FANCA: variants seen among roughly 807,000 people sequenced by gnomAD.
The protein encoded by FANCA is Fanconi anemia group A protein.
A neutral mutation model predicts 194.3 loss-of-function variants in FANCA; 236 were observed. The observed-to-expected ratio is 1.21, with a 90% CI of 1.09 to 1.35. The LOEUF (loss-of-function observed/expected upper bound fraction) is 1.35, where lower values mean the gene tolerates loss of function less well. Ranked by LOEUF, FANCA falls within the 40% of genes most tolerant of loss-of-function variation. The pLI, the probability that FANCA is intolerant of heterozygous loss-of-function variation, is 0.00. For missense variants in FANCA, 2,628 were observed against 1,813.9 expected (o/e 1.45, Z -8.15); for synonymous variants, 1,014 against 715.8 (o/e 1.42, Z -6.65).
chr16:89,744,044 C>G (rs1320154255), intron 36 of FANCA, among the ~76,000 whole-genome samples: 2 of 152,016 alleles, frequency 1.3e-5, no homozygotes, highest in East Asian at 3.9e-4. Context: ...ACTACAGGCG[C>G]ACACTATCAC....
chr16:89,788,390 G>A (rs942637207), intron 14 of FANCA, among the ~76,000 whole-genome samples: 1 of 152,130 alleles, frequency 6.6e-6, no homozygotes, highest in African/African-American at 2.4e-5. Context: ...GAACCCAGGA[G>A]GTGGGAGTTG....
intron 29 of FANCA, among the ~76,000 whole-genome samples, chr16:89,759,337 A>T (rs1440928602): frequency 2.7e-5 from 4 of 147,600 alleles, no homozygotes; most frequent in South Asian, 4.3e-4. Context: ...AAAAAAAAAA[A>T]AAAAAAAAAA....
At chr16:89,760,013 G>C (rs1378442467) in intron 29 of FANCA, among the ~76,000 whole-genome samples, 1 of 152,204 alleles carries the variant, frequency 6.6e-6, no homozygotes, top group Non-Finnish European at 1.5e-5. Context: ...CACCCACGCT[G>C]TCCGGAACTG....
At chr16:89,804,404 T>G (rs1302384800) in intron 7 of FANCA, among the ~76,000 whole-genome samples, 14 of 152,156 alleles carry the variant, frequency 9.2e-5, no homozygotes, top group Admixed American at 9.2e-4. Context: ...TCAATGCACC[T>G]TAGAGACAGG....
rs2038969615 is a variant in FANCA, at chr16:89,762,015, T to G, written c.2786A>C (p.Tyr929Ser). 1 of 1,613,412 alleles carries G rather than the reference T, an allele frequency of 6.2e-7. No individual in the cohort carries two copies. Among genetic ancestry groups the G allele is most frequent in the South Asian group, 1.1e-5 (1 of 91,068 alleles). ...VLKEEDVHLT[Y>S]QDWLHLELEI... ...CAGCTCCAGGTGTAACCAGTCTTGG[T>G]AAGTTAACTGAGAAAGAGAGCAAGC... is the stretch of plus-strand genomic sequence containing the variant. The change falls in exon 29 of 43, where the codon TAC (tyrosine) becomes TCC (serine). Residue 929 changes from tyrosine to serine, a missense_variant. Tyr to Ser is a moderately radical substitution (Grantham distance 144). Coordinates refer to ENST00000389301, the MANE Select transcript of FANCA (RefSeq NM_000135.4).
At chr16:89,812,787 C>A (rs1365722283) in intron 3 of FANCA, among the ~76,000 whole-genome samples, 1 of 151,730 alleles carries the variant, frequency 6.6e-6, no homozygotes, top group African/African-American at 2.4e-5. Flanking sequence ...GTAATCCCAA[C>A]ACTGCAGGAG....
At chr16:89,761,336 G>A (rs1249118450) in intron 29 of FANCA, among the ~76,000 whole-genome samples, 1 of 150,950 alleles carries the variant, frequency 6.6e-6, no homozygotes, top group East Asian at 2.0e-4. Flanking sequence ...GGAGAATGGC[G>A]TGAACCCGGG....
Position 89,737,742 on chromosome 16 carries a change from ATCG to A in FANCA, c.*856_*858del. On this transcript the variant is annotated 3_prime_UTR_variant, in exon 43 of 43. Coordinates refer to ENST00000389301, the MANE Select transcript of FANCA (RefSeq NM_000135.4). ...CCAGCTGTGATGGTTTCACATTGTC[ATCG>A]TCGTCCCCCCGGGAGGTTGGAGCAT... The A allele has an allele frequency of 1.2e-6, 2 of 1,606,376 alleles. No homozygotes were observed. Among genetic ancestry groups the A allele is most frequent in the Non-Finnish European group, 1.7e-6 (2 of 1,174,140 alleles).
rs142867944 is a variant in FANCA, at chr16:89,755,212, AT to A, written c.2982-2991del. Among the ~76,000 whole-genome samples the A allele has an allele frequency of 5.5e-3, 796 of 143,550 alleles. 4 individuals are homozygous for A. The highest frequency in any genetic ancestry group is 0.01 in the Admixed American group (146 of 14,282). 94.2% of individuals were successfully genotyped at this position (143,550 alleles called of 152,430 possible). On this transcript the variant is annotated intron_variant, in intron 30 of 42. Coordinates refer to ENST00000389301, the MANE Select transcript of FANCA (RefSeq NM_000135.4). ...TAAAGCTGGATGACCTCACACAACAATTTTTTTTTTTTTTTTGAGACAGTCT... is the reference window on the plus strand; with the variant it reads ...TAAAGCTGGATGACCTCACACAACAATTTTTTTTTTTTTTTGAGACAGTCT...
At position 89,810,955 on chromosome 16, in the gene FANCA, G is replaced by C; in HGVS notation, c.400C>G (p.Pro134Ala). Reference sequence around the variant, plus strand: ...CTCTGCTCCACAGTCAGCAGCACAGGGTGACTGGTCTCCGCTGGAGCCGTG... The same window carrying C: ...CTCTGCTCCACAGTCAGCAGCACAGCGTGACTGGTCTCCGCTGGAGCCGTG... Reference protein sequence around the residue: ...ICTAPAETSHPVLLTVEQRKK... With the variant: ...ICTAPAETSHAVLLTVEQRKK... Residue 134 changes from proline (P) to alanine (A), a missense_variant, in exon 4 of 43, where the codon CCT (proline) becomes GCT (alanine). Physicochemically the swap from Pro to Ala is conservative, Grantham distance 27. Transcript: ENST00000389301. The C allele has an allele frequency of 2.5e-6, 4 of 1,614,112 alleles. No homozygotes were observed. Among genetic ancestry groups the C allele is most frequent in the Non-Finnish European group, 3.4e-6 (4 of 1,180,044 alleles).
chr16:89,737,931 C>G lies in FANCA; in HGVS notation c.*670G>C, dbSNP rs17233812. On this transcript the variant is annotated 3_prime_UTR_variant, in exon 43 of 43. Coordinates refer to ENST00000389301, the MANE Select transcript of FANCA (RefSeq NM_000135.4). ...GTAAGTGTGAGTCAGGACCCCCTCC[C>G]AGGGCTGTGGCCCTCGCACCTTCTT... The G allele has an allele frequency of 3.1e-6, 5 of 1,613,780 alleles. No individual in the cohort carries two copies. In the East Asian group the frequency reaches 8.9e-5, roughly 29 times the overall value.
chr16:89,799,049 G>T (rs775787377), intron 10 of FANCA, 117 bp downstream of exon 10: 8 of 1,614,136 alleles, frequency 5.0e-6, no homozygotes, highest in Admixed American at 1.7e-5. Context: ...ACTGGCAGAG[G>T]AAGTGTGCTC....
chr16:89,814,949 T>TAAATGAAAATAAA (rs1173487861), intron 2 of FANCA, among the ~76,000 whole-genome samples: 1 of 151,888 alleles, frequency 6.6e-6, no homozygotes, highest in Non-Finnish European at 1.5e-5. Flanking sequence ...TCAAAAAAAA[T>TAAATGAAAATAAA]AAATGAAAAT....
rs1411158903 is a variant in FANCA at position 89,816,618 on chromosome 16, C to G, written c.-3G>C. On this transcript the variant is annotated 5_prime_UTR_variant, in exon 1 of 43. Transcript: ENST00000389301. ...TTCGGGACCCACGAGTCGGACATGG[C>G]CTTGGCGCCTACAGCCCCGGCGGCG... 2.6e-6 allele frequency: 4 copies of G among 1,522,730 alleles called. No homozygotes were observed. The highest frequency in any genetic ancestry group is 2.2e-4 in the Middle Eastern group (1 of 4,558). The allele number at this position is 1,522,730 out of a possible 1,614,324, so 94.3% of individuals were successfully genotyped here. A position where few individuals can be genotyped will look rare whatever the true frequency, so the allele number is the denominator to read the frequency against.
At position 89,738,841 on chromosome 16, in the gene FANCA, C is replaced by T. The variant is rs756431845; in HGVS notation, c.4260+41G>A. On this transcript the variant is annotated intron_variant, in intron 42 of 42. Transcript: ENST00000389301. ...CATGGCCCAGGCAGCTGTCAATTCT[C>T]ATGTCCCCCACATGGCCCAAGGTGG... 7 of 1,614,152 alleles carry T rather than the reference C, an allele frequency of 4.3e-6. No homozygotes were observed. In the Admixed American group the frequency reaches 6.7e-5, roughly 15 times the overall value.
chr16:89,764,786 G>C (rs746123748), intron 28 of FANCA, 104 bp downstream of exon 28: 3 of 1,351,392 alleles, frequency 2.2e-6, no homozygotes, highest in East Asian at 2.3e-5. Context: ...GCATGATGCA[G>C]GGGAAGGAAC....
chr16:89,781,792 G>C (rs1219793109), intron 17 of FANCA, among the ~76,000 whole-genome samples: 1 of 151,852 alleles, frequency 6.6e-6, no homozygotes, highest in Admixed American at 6.6e-5. Context: ...GAGGTCAGGA[G>C]ATCGAGACCA....
Position 89,740,069 on chromosome 16 carries a change from C to T in FANCA, c.3859G>A (p.Val1287Ile), listed in dbSNP as rs17227354. ...STTDLPKAFH[V>I]CAAILECLEK... is the part of the protein sequence containing the mutation. ...AAACACTCGAGGATTGCTGCACAAA[C>T]GTGGAAAGCCTTTGGCAGGTCTGTG... The change falls in exon 39 of 43, where the codon GTT (valine) becomes ATT (isoleucine). Residue 1287 changes from valine to isoleucine, a missense_variant. Physicochemically the swap from Val to Ile is conservative, Grantham distance 29. Coordinates refer to ENST00000389301, the MANE Select transcript of FANCA (RefSeq NM_000135.4). The T allele has an allele frequency of 6.0e-3, 9,746 of 1,614,142 alleles. 290 individuals are homozygous for T. In the African/African-American group the frequency reaches 0.085, roughly 14 times the overall value.
In FANCA at chr16:89,738,798, T is replaced by C. The variant is rs574723272; in HGVS notation, c.4260+84A>G. 2.3e-5 allele frequency: 37 copies of C among 1,613,548 alleles called. No individual in the cohort carries two copies. In the South Asian group the frequency reaches 3.5e-4, roughly 15 times the overall value. On this transcript the variant is annotated intron_variant, in intron 42 of 42. Coordinates refer to ENST00000389301, the MANE Select transcript of FANCA (RefSeq NM_000135.4). ...CTCTGGCAGAAATAGTCGAGTTGTA[T>C]TGCCAGCCAGGCAGGCACATGGCCC...
Sources: gnomAD v4.1 joint callset for allele counts (sites outside exome capture counted in the v4.1 genomes callset) on GRCh38, gnomAD v4.1.1 for gene constraint, MANE v1.5 for transcripts, NCBI Gene and HGNC (gene_info 2026-07-23, HGNC 2026-07-21) for gene names.